Variants in RRP12 observed in about 807,000 individuals in gnomAD.
RRP12 encodes the protein ribosomal RNA processing 12 homolog, also known as RRP12-like protein.
RRP12 carries 78 observed loss-of-function variants against 157.3 expected under a neutral mutation model. The observed-to-expected ratio is 0.50, with a 90% CI of 0.41 to 0.60. The LOEUF is 0.60. Ranked by LOEUF, RRP12 falls within the 20% of genes least tolerant of loss-of-function variation. RRP12 has a pLI of 0.00. For missense variants in RRP12, 1,521 were observed against 1,679.9 expected (o/e 0.91, Z 1.65); for synonymous variants, 726 against 670.9 (o/e 1.08, Z -1.27).
chr10:97,376,498 C>G lies in RRP12; in HGVS notation c.1799-2604G>C, dbSNP rs543799094. Among the ~76,000 whole-genome samples, 6 of 152,258 alleles carry G rather than the reference C, an allele frequency of 3.9e-5. No homozygotes were observed. The South Asian group carries it at 1.2e-3, about 32-fold the overall frequency. On this transcript the variant is annotated intron_variant, in intron 15 of 33. Transcript: ENST00000370992. Reference sequence around the variant, plus strand: ...AAAGTGCTGAGATTACAGGCACGAGCCACTGCGCTTGGCCTTACTTTCTTC... The same window carrying G: ...AAAGTGCTGAGATTACAGGCACGAGGCACTGCGCTTGGCCTTACTTTCTTC...
At chr10:97,395,523 A>T (rs1844934528) in intron 3 of RRP12, among the ~76,000 whole-genome samples, 1 of 149,414 alleles carries the variant, frequency 6.7e-6, no homozygotes, top group African/African-American at 2.5e-5. Context: ...CTGCAGTCCA[A>T]CTTGGGCAAC....
chr10:97,398,039 A>ATATATTTTTTTTTTTTTT (rs1436494245), intron 2 of RRP12, among the ~76,000 whole-genome samples: 1 of 56,028 alleles, frequency 1.8e-5, no homozygotes, highest in African/African-American at 8.7e-5. Context: ...ATATATACGT[A>ATATATTTTTTTTTTTTTT]TTTTTTTTTT....
At position 97,372,753 on chromosome 10, in the gene RRP12, G is replaced by C; in HGVS notation, c.2232C>G (p.Ala744=). Residue 744 remains alanine, a synonymous_variant, in exon 19 of 34, where the codon GCC becomes GCG. Coordinates refer to ENST00000370992, the MANE Select transcript of RRP12 (RefSeq NM_015179.4). The stretch of plus-strand genomic sequence containing the variant: ...CATGTTACCTGGTAAAGTCAGAGCT[G>C]GCAGGGTCGAGCACCTTCTCACTGG... ...EKASEKVLDP[A]SSDFTRLSVL... 6.4e-7 allele frequency: 1 copy of C among 1,562,294 alleles called. No homozygotes were observed. The highest frequency in any genetic ancestry group is 2.4e-5 in the East Asian group (1 of 41,756).
At chr10:97,372,675 A>G in intron 19 of RRP12, 61 bp downstream of exon 19, 1 of 1,342,718 alleles carries the variant, frequency 7.4e-7, no homozygotes, top group Non-Finnish European at 1.0e-6. Context: ...TGCTTCTGCC[A>G]GATGCACCCT....
rs1320181206 is a variant in RRP12 at position 97,401,084 on chromosome 10, C to G, written c.139+9G>C. The G allele has an allele frequency of 1.2e-6, 2 of 1,612,544 alleles. No individual in the cohort carries two copies. The highest frequency in any genetic ancestry group is 1.3e-5 in the African/African-American group (1 of 74,900). On this transcript the variant is annotated intron_variant, in intron 1 of 33. Coordinates refer to ENST00000370992, the MANE Select transcript of RRP12 (RefSeq NM_015179.4). ...GCCCCCGGCTGCGCTCGGGTCTCAA[C>G]CCAGCTACCTGACGGCCGGCTGAAG...
At chr10:97,389,448 C>T (rs1405297702) in intron 6 of RRP12, among the ~76,000 whole-genome samples, 1 of 152,146 alleles carries the variant, frequency 6.6e-6, no homozygotes, top group Non-Finnish European at 1.5e-5. Context: ...AGTGAAGTGC[C>T]ACTGCAGCGA....
At position 97,372,191 on chromosome 10, in the gene RRP12, G is replaced by A. The variant is rs750215362; in HGVS notation, c.2250-25C>T. ...TCTGCTCGGGGCAGGAGGACAAGGA[G>A]AGGGATGGGGAGCTGGAGAAGGGCG... On this transcript the variant is annotated intron_variant, in intron 19 of 33. Transcript: ENST00000370992. The A allele has an allele frequency of 6.3e-6, 10 of 1,586,778 alleles. No homozygotes were observed. In the South Asian group the frequency reaches 8.9e-5, roughly 14 times the overall value.
chr10:97,383,088 C>G (rs1489453444), intron 10 of RRP12, among the ~76,000 whole-genome samples: 1 of 152,172 alleles, frequency 6.6e-6, no homozygotes, highest in Non-Finnish European at 1.5e-5. Flanking sequence ...AATGGCTGCA[C>G]AGTACTTCAT....
At chr10:97,363,973 C>T in intron 29 of RRP12, 70 bp from the exon 30 acceptor site, 2 of 1,433,332 alleles carry the variant, frequency 1.4e-6, no homozygotes, top group Non-Finnish European at 9.8e-7. Flanking sequence ...CCTTCTGCCC[C>T]CTCCTGGCTC....
chr10:97,383,737 G>C (rs1267221387), intron 10 of RRP12, among the ~76,000 whole-genome samples: 1 of 152,338 alleles, frequency 6.6e-6, no homozygotes, highest in African/African-American at 2.4e-5. Context: ...CCTGGAGAAC[G>C]GAGCCGCCAG....
In RRP12 at chr10:97,366,178, G is replaced by A. The variant is rs1019179774; in HGVS notation, c.3447C>T (p.Ser1149=). 3 of 1,610,270 alleles carry A rather than the reference G, an allele frequency of 1.9e-6. No homozygotes were observed. Among genetic ancestry groups the A allele is most frequent in the African/African-American group, 1.3e-5 (1 of 74,752 alleles). ...CCCTTATGATCAGCCGGCCATCGGC[G>A]CTCACCTTGAAGCCGTGGTCCTTCT... ...GRKKDHGFKV[S]ADGRLIIREE... is the part of the protein sequence containing the mutation. The change falls in exon 29 of 34, where the codon AGC becomes AGT. Residue 1149 remains serine (S), a synonymous_variant. Coordinates refer to ENST00000370992, the MANE Select transcript of RRP12 (RefSeq NM_015179.4).
intron 15 of RRP12, among the ~76,000 whole-genome samples, chr10:97,377,601 T>C (rs1395719145): frequency 2.0e-5 from 3 of 150,740 alleles, no homozygotes; most frequent in Non-Finnish European, 4.4e-5. Context: ...TCCCAACACT[T>C]TGGGAGGCTG....
chr10:97,380,257 AGCAATG>A (rs1844429348), intron 13 of RRP12, among the ~76,000 whole-genome samples: 1 of 152,018 alleles, frequency 6.6e-6, no homozygotes, highest in Admixed American at 6.6e-5. Context: ...CCTTTTTTCC[AGCAATG>A]GGAGGGAGTC....
intron 29 of RRP12, 149 bp from the exon 30 acceptor site, chr10:97,364,052 C>A: frequency 1.4e-6 from 1 of 695,394 alleles, no homozygotes. Flanking sequence ...CATCCTTCTG[C>A]TAGAAGAGAT....
At chr10:97,380,679 C>T in intron 13 of RRP12, 120 bp downstream of exon 13, 1 of 716,884 alleles carries the variant, frequency 1.4e-6, no homozygotes, top group South Asian at 1.7e-5. Context: ...CCTGCTATGG[C>T]CCTGTCAGGG....
chr10:97,396,641 T>C (rs1844972336), intron 2 of RRP12, among the ~76,000 whole-genome samples: 1 of 152,180 alleles, frequency 6.6e-6, no homozygotes, highest in Non-Finnish European at 1.5e-5. Context: ...TTGTCTCTAA[T>C]GTACTGCAGT....
chr10:97,359,503 G>C (rs921882774), intron 31 of RRP12, among the ~76,000 whole-genome samples: 2 of 152,212 alleles, frequency 1.3e-5, no homozygotes, highest in Non-Finnish European at 2.9e-5. Context: ...TAACAGATGT[G>C]AACACTGTGG....
rs1375748297 is a variant in RRP12 at position 97,369,457 on chromosome 10, C to T, written c.2923G>A (p.Val975Met). 8 of 1,612,396 alleles carry T rather than the reference C, an allele frequency of 5.0e-6. No individual in the cohort carries two copies. Among genetic ancestry groups the T allele is most frequent in the African/African-American group, 2.7e-5 (2 of 74,908 alleles). ...TGCACATGTTTGGCCAGGTGCGCCA[C>T]GTCCATGACAGTCACTGCCACCTTG... ...FIKVAVTVMD[V>M]AHLAKHVQLV... is the part of the protein sequence containing the mutation. Residue 975 changes from valine to methionine, a missense_variant, in exon 25 of 34, where the codon GTG (valine) becomes ATG (methionine). Physicochemically the swap from Val to Met is conservative, Grantham distance 21. Coordinates refer to ENST00000370992, the MANE Select transcript of RRP12 (RefSeq NM_015179.4).
chr10:97,361,177 T>C lies in RRP12; in HGVS notation c.3568-559A>G, dbSNP rs184309448. ...AGTCATCACTGATCCTCAACAATGC[T>C]ACCATCCCAGCAGGTATGATCATGG... On this transcript the variant is annotated intron_variant, in intron 30 of 33. Transcript: ENST00000370992. Among the ~76,000 whole-genome samples the C allele has an allele frequency of 4.2e-3, 632 of 152,278 alleles. 3 individuals are homozygous for C. The highest frequency in any genetic ancestry group is 6.9e-3 in the Admixed American group (106 of 15,298).
Sources: allele counts gnomAD v4.1 joint callset (sites outside exome capture counted in the v4.1 genomes callset), GRCh38; gene constraint gnomAD v4.1.1; transcripts MANE v1.5; gene names NCBI Gene and HGNC (gene_info 2026-07-23, HGNC 2026-07-21).